The following APC variants were observed in gnomAD, a reference collection of about 807,000 sequenced individuals.
APC encodes the protein adenomatous polyposis coli protein.
Under a neutral mutation model 247.0 loss-of-function variants are expected in APC, and 72 were observed. That is an observed-to-expected ratio of 0.29 (90% CI 0.24 to 0.35). The LOEUF (loss-of-function observed/expected upper bound fraction) is 0.35. APC is among the 10% of genes least tolerant of loss of function. The pLI is 1.00. For missense variants in APC, 3,400 were observed against 3,360.7 expected (o/e 1.01, Z -0.29); for synonymous variants, 1,254 against 1,162.5 (o/e 1.08, Z -1.60).
chr5:112,778,480 AAAG>A (rs1321914131), intron 5 of APC: 1 of 151,888 alleles, frequency 6.6e-6, no homozygotes, highest in Non-Finnish European at 1.5e-5. Context: ...AAAAAAAAAA[AAAG>A]AAAATTATAT....
At chr5:112,769,216 A>G (rs1333670504) in intron 4 of APC, among the ~76,000 whole-genome samples, 1 of 151,576 alleles carries the variant, frequency 6.6e-6, no homozygotes, top group African/African-American at 2.4e-5. Context: ...GCGTCCGGCT[A>G]ATTTTTGTAT....
In APC at chr5:112,764,330, G is replaced by A. The variant is rs6867243; in HGVS notation, c.136-1996G>A. On this transcript the variant is annotated intron_variant, in intron 2 of 15. Transcript: ENST00000257430. ...AGCTCTGTGCAAGGTTGAGCCACTT[G>A]GGAAATTATTTTCATAGTTTAGGTA... Among the ~76,000 whole-genome samples the A allele has an allele frequency of 0.55, 83,694 of 151,478 alleles. 23,566 individuals carry two copies. Among genetic ancestry groups the A allele is most frequent in the East Asian group, 0.79 (4,065 of 5,134 alleles).
At chr5:112,822,781 TTA>T (rs1156644278) in intron 11 of APC, among the ~76,000 whole-genome samples, 3 of 152,190 alleles carry the variant, frequency 2.0e-5, no homozygotes, top group Admixed American at 6.5e-5. Context: ...TTTGTGCCGT[TTA>T]TGTTACATTA....
intron 11 of APC, among the ~76,000 whole-genome samples, chr5:112,825,007 G>A (rs1197152977): frequency 6.6e-6 from 1 of 152,060 alleles, no homozygotes; most frequent in African/African-American, 2.4e-5. Context: ...CTTCCCTTAG[G>A]TGGTATTTTA....
Position 112,786,455 on chromosome 5 carries a change from TG to T in APC, c.645+5554del, listed in dbSNP as rs1169845947. Among the ~76,000 whole-genome samples, 10 of 152,330 alleles carry T rather than the reference TG, an allele frequency of 6.6e-5. No individual in the cohort carries two copies. The East Asian group carries it at 1.9e-3, about 29-fold the overall frequency. On this transcript the variant is annotated intron_variant, in intron 6 of 15. Transcript: ENST00000257430. ...TACTCTTACTTGTTCAGTGTGTATT[TG>T]GTCACCTAGTATGGTGGTACTTACC...
chr5:112,723,538 T>G (rs2149660650), intron 1 of APC, among the ~76,000 whole-genome samples: 1 of 152,268 alleles, frequency 6.6e-6, no homozygotes, highest in East Asian at 1.9e-4. Flanking sequence ...CTAAACCTGT[T>G]GTGGTATTCA....
chr5:112,746,599 C>A (rs1049079374), intron 1 of APC, among the ~76,000 whole-genome samples: 1 of 151,922 alleles, frequency 6.6e-6, no homozygotes, highest in Admixed American at 6.6e-5. Flanking sequence ...AAAAGAGAAA[C>A]GATATGATTA....
Position 112,845,091 on chromosome 5 carries a change from G to T in APC, c.*965G>T, listed in dbSNP as rs1164411276. 1 of 232,094 alleles carries T rather than the reference G, an allele frequency of 4.3e-6. No individual in the cohort carries two copies. Among genetic ancestry groups the T allele is most frequent in the African/African-American group, 2.2e-5 (1 of 45,254 alleles). 14.4% of individuals were successfully genotyped at this position (232,094 alleles called of 1,614,324 possible). A position where few individuals can be genotyped will look rare whatever the true frequency, so the allele number is the denominator to read the frequency against. On this transcript the variant is annotated 3_prime_UTR_variant, in exon 16 of 16. Coordinates refer to ENST00000257430, the MANE Select transcript of APC (RefSeq NM_000038.6). Reference sequence around the variant, plus strand: ...ATAAATTTTTTTCTTCAGCTTCTATGCATTAAGAGTAAAATTCCTCTTACT... The same window carrying T: ...ATAAATTTTTTTCTTCAGCTTCTATTCATTAAGAGTAAAATTCCTCTTACT...
rs186256993 is a variant in APC, at chr5:112,772,737, G to A, written c.423-2892G>A. Among the ~76,000 whole-genome samples, 1,384 of 152,026 alleles carry A rather than the reference G, an allele frequency of 9.1e-3. 21 individuals carry two copies. The highest frequency in any genetic ancestry group is 0.032 in the African/African-American group (1,332 of 41,472). On this transcript the variant is annotated intron_variant, in intron 4 of 15. Coordinates refer to ENST00000257430, the MANE Select transcript of APC (RefSeq NM_000038.6). ...TCACCATGTTGGCCAGGCTGGTCTC[G>A]AACTCCTGACTTCAAGTGATCCACC...
chr5:112,778,307 C>G (rs145691489), intron 5 of APC: 3 of 152,212 alleles, frequency 2.0e-5, no homozygotes, highest in Non-Finnish European at 4.4e-5. Context: ...CTCTCCATGT[C>G]AATGATTTTA....
intron 1 of APC, among the ~76,000 whole-genome samples, chr5:112,747,629 A>G (rs575999434): frequency 4.0e-4 from 61 of 152,308 alleles, no homozygotes; most frequent in African/African-American, 1.5e-3. Flanking sequence ...CATTAAAGTG[A>G]TAGTAAAAAC....
rs1190192224 is a variant in APC at position 112,845,931 on chromosome 5, C to T, written c.*1805C>T. 8.6e-6 allele frequency: 2 copies of T among 232,006 alleles called. No individual in the cohort carries two copies. Among genetic ancestry groups the T allele is most frequent in the Non-Finnish European group, 1.7e-5 (2 of 117,402 alleles). 14.4% of individuals were successfully genotyped at this position (232,006 alleles called of 1,614,324 possible). ...ACTCAGATAGGAGTGAATACACCTA[C>T]CTGGTGCCTTGAAAATCACATCAAG... is the stretch of plus-strand genomic sequence containing the variant. On this transcript the variant is annotated 3_prime_UTR_variant, in exon 16 of 16. Transcript: ENST00000257430.
chr5:112,834,310 C>G (rs551045837), intron 14 of APC, among the ~76,000 whole-genome samples: 8 of 146,628 alleles, frequency 5.5e-5, no homozygotes, highest in African/African-American at 7.6e-5. Context: ...GTTGCAGTCT[C>G]GGCTCACTGC....
intron 1 of APC, among the ~76,000 whole-genome samples, chr5:112,732,066 C>G (rs1357652664): frequency 1.3e-5 from 2 of 152,162 alleles, no homozygotes; most frequent in African/African-American, 4.8e-5. Context: ...ATGACCAGAA[C>G]ATTTTTCTAT....
chr5:112,759,673 T>C (rs1290135521), intron 2 of APC, among the ~76,000 whole-genome samples: 4 of 152,318 alleles, frequency 2.6e-5, no homozygotes, highest in South Asian at 2.1e-4. Flanking sequence ...AATTTTCTAA[T>C]GTTTCTAAAA....
chr5:112,759,171 T>C (rs988073705), intron 2 of APC, among the ~76,000 whole-genome samples: 2 of 152,152 alleles, frequency 1.3e-5, no homozygotes, highest in African/African-American at 4.8e-5. Flanking sequence ...ATTTTGAAGA[T>C]GTAATTATCA....
At position 112,779,726 on chromosome 5, in the gene APC, T is replaced by G. The variant is rs79724263; in HGVS notation, c.532-1064T>G. Among the ~76,000 whole-genome samples the G allele has an allele frequency of 0.014, 2,146 of 152,224 alleles. 18 individuals carry two copies. Among genetic ancestry groups the G allele is most frequent in the Non-Finnish European group, 0.02 (1,393 of 68,004 alleles). On this transcript the variant is annotated intron_variant, in intron 5 of 15. Transcript: ENST00000257430. ...GAGGACTAATAAGTGGAGTTACAAC[T>G]GGCTCAGTAGGAATAAGAAATAACA...
At chr5:112,826,709 T>G (rs915368614) in intron 11 of APC, among the ~76,000 whole-genome samples, 5 of 151,730 alleles carry the variant, frequency 3.3e-5, no homozygotes, top group African/African-American at 1.2e-4. Flanking sequence ...GGCCACAGTG[T>G]ATGACAATAA....
At chr5:112,828,715 A>T (rs1027353387) in intron 13 of APC, 141 bp from the exon 14 acceptor site, 3 of 618,156 alleles carry the variant, frequency 4.9e-6, no homozygotes, top group South Asian at 1.8e-5. Flanking sequence ...TCCCAAAGTG[A>T]TAGGATTACA....
Sources: allele counts gnomAD v4.1 joint callset (sites outside exome capture counted in the v4.1 genomes callset), GRCh38; gene constraint gnomAD v4.1.1; transcripts MANE v1.5; gene names NCBI Gene and HGNC (gene_info 2026-07-23, HGNC 2026-07-21).